Variants in DAB1 observed in about 807,000 individuals in gnomAD.
The protein encoded by DAB1 is DAB adaptor protein 1.
Under a neutral mutation model 64.6 loss-of-function variants are expected in DAB1, and 15 were observed. The ratio of observed to expected loss-of-function variants is 0.23; its 90% CI spans 0.16 to 0.36. The LOEUF (loss-of-function observed/expected upper bound fraction) is 0.36, where lower values mean the gene tolerates loss of function less well. Ranked by LOEUF, DAB1 falls within the 10% of genes least tolerant of loss-of-function variation. The probability of loss-of-function intolerance (pLI) is 1.00; values close to 1 mark genes in which losing one functional copy is unlikely to be tolerated. For missense variants in DAB1, 596 were observed against 706.7 expected (o/e 0.84, Z 1.78); for synonymous variants, 235 against 251.9 (o/e 0.93, Z 0.64).
At chr1:58,528,585 A>G (rs531607482) in intron 1 of DAB1, among the ~76,000 whole-genome samples, 2 of 152,286 alleles carry the variant, frequency 1.3e-5, no homozygotes, top group East Asian at 1.9e-4. Context: ...CATCTAGGGA[A>G]TGGGGGTCAG....
intron 6 of DAB1, among the ~76,000 whole-genome samples, chr1:57,695,782 C>A (rs1470349983): frequency 6.6e-6 from 1 of 152,096 alleles, no homozygotes; most frequent in Non-Finnish European, 1.5e-5. Context: ...CACCTGTAAT[C>A]CCAGCTACTT....
At chr1:58,299,815 C>A (rs1196743355) in intron 4 of DAB1, among the ~76,000 whole-genome samples, 1 of 152,144 alleles carries the variant, frequency 6.6e-6, no homozygotes, top group Non-Finnish European at 1.5e-5. Flanking sequence ...TCTTGCCTAC[C>A]AAAGACTGAT....
chr1:57,523,722 G>A (rs769760767), intron 7 of DAB1, among the ~76,000 whole-genome samples: 49 of 152,032 alleles, frequency 3.2e-4, no homozygotes, highest in Non-Finnish European at 5.7e-4. Flanking sequence ...TGGAGTTTGT[G>A]ACCAGCCTGG....
At chr1:58,316,245 A>C (rs1662556285) in intron 4 of DAB1, among the ~76,000 whole-genome samples, 1 of 152,200 alleles carries the variant, frequency 6.6e-6, no homozygotes, top group Non-Finnish European at 1.5e-5. Context: ...GGGCAGGAAG[A>C]TCTGAAGCTG....
At chr1:58,396,297 T>C (rs1398070264) in intron 3 of DAB1, among the ~76,000 whole-genome samples, 1 of 152,090 alleles carries the variant, frequency 6.6e-6, no homozygotes, top group African/African-American at 2.4e-5. Flanking sequence ...AACAAAGATG[T>C]CTAGTTGCAT....
Position 57,853,558 on chromosome 1 carries a change from G to A in DAB1, n.88-27103C>T, listed in dbSNP as rs138788441. 1.1e-4 allele frequency among the ~76,000 whole-genome samples: 17 copies of A among 150,504 alleles called. No individual in the cohort carries two copies. In the South Asian group the frequency reaches 3.2e-3, roughly 28 times the overall value. ...GAAGCTTTAGGCAGGACCCAGAATC[G>A]ATGCTCAACATGTGTTTAAAATTAA... On this transcript the variant is annotated intron_variant and non_coding_transcript_variant, in intron 1 of 1. Transcript: ENST00000477280.
At chr1:57,380,734 G>C (rs895138164) in intron 1 of DAB1, among the ~76,000 whole-genome samples, 21 of 152,194 alleles carry the variant, frequency 1.4e-4, no homozygotes, top group Non-Finnish European at 8.8e-5. Flanking sequence ...ACGTGGGTTT[G>C]TCTAAAGTGA....
At chr1:58,058,135 C>T (rs1041334196) in intron 5 of DAB1, among the ~76,000 whole-genome samples, 1 of 152,054 alleles carries the variant, frequency 6.6e-6, no homozygotes, top group Non-Finnish European at 1.5e-5. Flanking sequence ...CTGTCTTATT[C>T]TTAGTTGTAT....
chr1:57,799,168 T>G (rs1651009033), intron 6 of DAB1, among the ~76,000 whole-genome samples: 1 of 152,018 alleles, frequency 6.6e-6, no homozygotes. Flanking sequence ...GAAGGTGAAA[T>G]GAGATTCGAT....
chr1:58,160,375 C>T (rs569461680), intron 4 of DAB1, among the ~76,000 whole-genome samples: 1 of 152,246 alleles, frequency 6.6e-6, no homozygotes, highest in Admixed American at 6.5e-5. Context: ...TTTGGGGCCT[C>T]CTATCATGTA....
At chr1:58,500,197 T>A (rs538652964) in intron 3 of DAB1, among the ~76,000 whole-genome samples, 5 of 152,260 alleles carry the variant, frequency 3.3e-5, no homozygotes, top group African/African-American at 1.2e-4. Flanking sequence ...ATATTTTTTT[T>A]AAGGGTTTAG....
At chr1:57,892,694 G>A (rs932367406) in intron 5 of DAB1, among the ~76,000 whole-genome samples, 2 of 152,034 alleles carry the variant, frequency 1.3e-5, no homozygotes, top group African/African-American at 2.4e-5. Flanking sequence ...ATTCTAACAC[G>A]TACAATACAT....
intron 3 of DAB1, among the ~76,000 whole-genome samples, chr1:58,421,592 G>A (rs1644772802): frequency 6.6e-6 from 1 of 152,212 alleles, no homozygotes. Context: ...TCAATTTCAG[G>A]AGTCTGATGG....
At chr1:57,900,304 C>G (rs1215420480) in intron 5 of DAB1, among the ~76,000 whole-genome samples, 1 of 152,178 alleles carries the variant, frequency 6.6e-6, no homozygotes, top group Non-Finnish European at 1.5e-5. Context: ...AGATGGCACA[C>G]ACTGGGGGGT....
At chr1:58,250,470 C>CAGCAGTAGCAGCAGCAGCAGCAGT (rs1660760523) in intron 4 of DAB1, among the ~76,000 whole-genome samples, 1 of 152,252 alleles carries the variant, frequency 6.6e-6, no homozygotes, top group Admixed American at 6.5e-5. Context: ...GTAGCAACAG[C>CAGCAGTAGCAGCAGCAGCAGCAGT]AGCAGTAGCA....
intron 5 of DAB1, among the ~76,000 whole-genome samples, chr1:58,134,994 G>A (rs753708970): frequency 1.3e-5 from 2 of 152,110 alleles, no homozygotes; most frequent in Non-Finnish European, 2.9e-5. Flanking sequence ...GTGGAGATGA[G>A]GTCTGGAAAA....
At chr1:57,418,899 A>C (rs187124731) in intron 1 of DAB1, among the ~76,000 whole-genome samples, 6 of 152,364 alleles carry the variant, frequency 3.9e-5, no homozygotes, top group Admixed American at 6.5e-5. Flanking sequence ...AAATAAAAAG[A>C]ACATGTCAAA....
chr1:57,749,994 T>G (rs144846224), intron 6 of DAB1, among the ~76,000 whole-genome samples: 64 of 152,166 alleles, frequency 4.2e-4, no homozygotes, highest in African/African-American at 1.5e-3. Flanking sequence ...TTTCAAATAG[T>G]TTTTTGGTCA....
chr1:58,157,260 T>A (rs1655276410), intron 4 of DAB1, among the ~76,000 whole-genome samples: 1 of 152,226 alleles, frequency 6.6e-6, no homozygotes, highest in Admixed American at 6.5e-5. Flanking sequence ...AGCCCCCCTC[T>A]GCTGAAAATA....
Sources: gnomAD v4.1 joint callset for allele counts (sites outside exome capture counted in the v4.1 genomes callset) on GRCh38, gnomAD v4.1.1 for gene constraint, MANE v1.5 for transcripts, NCBI Gene and HGNC (gene_info 2026-07-23, HGNC 2026-07-21) for gene names.